The following ETV4 variants were observed in gnomAD, a reference collection of about 807,000 sequenced individuals.
ETV4 encodes the protein ETS variant transcription factor 4.
ETV4 carries 42 observed loss-of-function variants against 65.9 expected under a neutral mutation model. The observed-to-expected ratio is 0.64, with a 90% CI of 0.50 to 0.82. The LOEUF is 0.82. Among genes scored for constraint, ETV4 ranks in the 40% least tolerant of loss-of-function variants. ETV4 has a pLI of 0.00. For missense variants in ETV4, 583 were observed against 630.3 expected, an observed-to-expected ratio of 0.92 and a Z score of 0.80; for synonymous variants, 238 against 260.0, an observed-to-expected ratio of 0.92 and a Z score of 0.81.
At chr17:43,533,759 TA>T in intron 6 of ETV4, 99 bp downstream of exon 6, 1 of 1,459,952 alleles carries the variant, frequency 6.8e-7, no homozygotes, top group Non-Finnish European at 9.3e-7. Context: ...TTCTGTTGTC[TA>T]ACTTGCATCT....
chr17:43,530,051 G>GC, intron 9 of ETV4, 56 bp downstream of exon 9: 1 of 1,610,666 alleles, frequency 6.2e-7, no homozygotes, highest in African/African-American at 1.3e-5. Flanking sequence ...CTCCCCCATG[G>GC]CAGCGCTCCC....
rs201571041 is a variant in ETV4 at position 43,532,746 on chromosome 17, C to T, written c.739G>A (p.Val247Ile). The T allele has an allele frequency of 5.9e-5, 96 of 1,614,046 alleles. 1 individual carries two copies. In the East Asian group the frequency reaches 1.1e-3, roughly 18 times the overall value. ...GCCCCTGGGTACCTGTGCCCATTGACCCCACCCTGGTCCACGGCTGGCTGG... is the reference window on the plus strand; with the variant it reads ...GCCCCTGGGTACCTGTGCCCATTGATCCCACCCTGGTCCACGGCTGGCTGG... ...AGQPAVDQGG[V>I]NGHRYPGAGV... The change falls in exon 8 of 13, where the codon GTC becomes ATC. Residue 247 changes from valine to isoleucine, a missense_variant. Physicochemically the swap from Val to Ile is conservative, Grantham distance 29. Coordinates refer to ENST00000319349, the MANE Select transcript of ETV4 (RefSeq NM_001079675.5).
chr17:43,532,618 C>G, intron 8 of ETV4, 56 bp downstream of exon 8: 1 of 1,485,248 alleles, frequency 6.7e-7, no homozygotes, highest in Non-Finnish European at 9.1e-7. Flanking sequence ...GGGAGACATT[C>G]TGGGCTTAAC....
chr17:43,542,527 C>T (rs1971575949), intron 4 of ETV4, among the ~76,000 whole-genome samples: 1 of 152,134 alleles, frequency 6.6e-6, no homozygotes, highest in African/African-American at 2.4e-5. Flanking sequence ...CTCCCTGTAG[C>T]AGCCTGATTC....
chr17:43,529,745 C>G, intron 10 of ETV4, 69 bp from the exon 11 acceptor site: 1 of 1,590,164 alleles, frequency 6.3e-7, no homozygotes, highest in Non-Finnish European at 8.6e-7. Flanking sequence ...GCCTCCCACC[C>G]GAGGGATTTC....
At chr17:43,545,132 AT>A in intron 3 of ETV4, 110 bp from the exon 4 acceptor site, 1 of 1,360,682 alleles carries the variant, frequency 7.3e-7, no homozygotes, top group South Asian at 1.2e-5. Context: ...ACCGAGAAGA[AT>A]GACCAAAATC....
intron 4 of ETV4, 73 bp downstream of exon 4, chr17:43,544,902 G>T: frequency 7.1e-7 from 1 of 1,406,344 alleles, no homozygotes; most frequent in Non-Finnish European, 1.0e-6. Flanking sequence ...AGGGCTTAGG[G>T]TGGAATACCA....
chr17:43,533,827 C>T (rs1971091234), intron 6 of ETV4, 32 bp downstream of exon 6: 1 of 1,605,932 alleles, frequency 6.2e-7, no homozygotes, highest in African/African-American at 1.3e-5. Flanking sequence ...AACCCTTCTC[C>T]TACCCTTCAC....
At chr17:43,545,455 G>C (rs1442504920) in intron 2 of ETV4, 88 bp from the exon 3 acceptor site, 39 of 1,459,436 alleles carry the variant, frequency 2.7e-5, no homozygotes. Context: ...ACTCAGGGGC[G>C]GGGCAGCCCA....
At chr17:43,545,881 C>T in intron 1 of ETV4, 2 of 585,376 alleles carry the variant, frequency 3.4e-6, no homozygotes, top group South Asian at 4.0e-5. Context: ...GAGCCGGGCT[C>T]GCCGTTTCTG....
intron 4 of ETV4, among the ~76,000 whole-genome samples, chr17:43,538,036 A>G (rs1350164027): frequency 6.6e-6 from 1 of 151,662 alleles, no homozygotes; most frequent in Non-Finnish European, 1.5e-5. Context: ...AGGCAGGAGT[A>G]TGCCTGAGGC....
intron 4 of ETV4, 39 bp from the exon 5 acceptor site, chr17:43,536,518 C>T (rs374207978): frequency 6.2e-6 from 10 of 1,601,162 alleles, no homozygotes; most frequent in Non-Finnish European, 2.6e-6. Flanking sequence ...GGGCGGAGCC[C>T]TGGTTGTCCC....
At chr17:43,536,502 A>C in intron 4 of ETV4, 23 bp from the exon 5 acceptor site, 3 of 1,613,574 alleles carry the variant, frequency 1.9e-6, no homozygotes, top group Non-Finnish European at 2.5e-6. Flanking sequence ...GTCAGAGGTG[A>C]GTTTGGGGCG....
chr17:43,545,748 C>T, intron 1 of ETV4, 80 bp from the exon 2 acceptor site: 2 of 738,982 alleles, frequency 2.7e-6, no homozygotes, highest in Middle Eastern at 3.8e-4. Flanking sequence ...TCCCAAGGCT[C>T]TGGGTCCGAC....
chr17:43,542,888 C>G (rs567631211), intron 4 of ETV4, among the ~76,000 whole-genome samples: 2 of 152,232 alleles, frequency 1.3e-5, no homozygotes, highest in South Asian at 4.1e-4. Context: ...CCTCCTAATG[C>G]GTCCCACCAC....
intron 8 of ETV4, among the ~76,000 whole-genome samples, chr17:43,531,931 C>T (rs746575669): frequency 4.6e-5 from 7 of 152,184 alleles, no homozygotes; most frequent in Non-Finnish European, 7.3e-5. Flanking sequence ...GTAATTAAAA[C>T]CTCAAACACC....
In ETV4 at chr17:43,545,379, G is replaced by C. The variant is rs758030472; in HGVS notation, c.61-12C>G. The C allele has an allele frequency of 1.3e-6, 2 of 1,570,606 alleles. No homozygotes were observed. Among genetic ancestry groups the C allele is most frequent in the Non-Finnish European group, 1.7e-6 (2 of 1,156,102 alleles). ...TTTCCGGGCGATTTCTGCGAGAAGC[G>C]GGGAGAATGCCCGCGAGTCACCCTG... On this transcript the variant is annotated splice_polypyrimidine_tract_variant and intron_variant, in intron 2 of 12. Coordinates refer to ENST00000319349, the MANE Select transcript of ETV4 (RefSeq NM_001079675.5).
At position 43,533,391 on chromosome 17, in the gene ETV4, G is replaced by A. The variant is rs555335291; in HGVS notation, c.384-43C>T. On this transcript the variant is annotated intron_variant, in intron 6 of 12. Transcript: ENST00000319349. ...ACAGGGGTGAGGGGGCAGAGAAGCT[G>A]GAAAGCATCTTTGAACCCTTCATTC... 7.6e-6 allele frequency: 12 copies of A among 1,570,692 alleles called. No individual in the cohort carries two copies. The African/African-American group carries it at 1.1e-4, about 14-fold the overall frequency.
intron 4 of ETV4, 22 bp from the exon 5 acceptor site, chr17:43,536,501 G>A (rs1971250146): frequency 6.2e-7 from 1 of 1,613,650 alleles, no homozygotes; most frequent in Admixed American, 1.7e-5. Flanking sequence ...AGTCAGAGGT[G>A]AGTTTGGGGC....
Sources: allele counts gnomAD v4.1 joint callset (sites outside exome capture counted in the v4.1 genomes callset), GRCh38; gene constraint gnomAD v4.1.1; transcripts MANE v1.5; gene names NCBI Gene and HGNC (gene_info 2026-07-23, HGNC 2026-07-21).